The following ATRX variants were observed in gnomAD, a reference collection of about 807,000 sequenced individuals.
ATRX encodes ATRX chromatin remodeler.
In ATRX, 12 loss-of-function variants were observed where a neutral mutation model predicts 172.6. That is an observed-to-expected ratio of 0.07 (90% CI 0.04 to 0.11). The LOEUF is 0.11. Among genes scored for constraint, ATRX ranks in the 10% least tolerant of loss-of-function variants. The pLI is 1.00. For synonymous variants in ATRX, 674 were observed against 594.7 expected (o/e 1.13, Z -1.94); for missense variants, 1,368 against 1,767.4 (o/e 0.77, Z 4.05).
chrX:77,597,551 G>A (rs1250896069), intron 25 of ATRX, among the ~76,000 whole-genome samples: 1 of 110,307 alleles, frequency 9.1e-6, no homozygotes, highest in African/African-American at 3.3e-5. Flanking sequence ...CACAAACTAT[G>A]TATCCAACAA....
chrX:77,742,530 T>C (rs782675280), intron 1 of ATRX, among the ~76,000 whole-genome samples: 1 of 112,169 alleles, frequency 8.9e-6, no homozygotes, highest in East Asian at 2.8e-4. Context: ...GATGGATGAC[T>C]GCAAGAATTT....
chrX:77,660,523 C>T (rs1325783291), intron 12 of ATRX, among the ~76,000 whole-genome samples: 2 of 109,024 alleles, frequency 1.8e-5, no homozygotes, highest in Non-Finnish European at 3.8e-5. Context: ...GCCGAGATCG[C>T]GCCACTGCAC....
chrX:77,641,088 T>C (rs978758526), intron 15 of ATRX, among the ~76,000 whole-genome samples: 7 of 111,576 alleles, frequency 6.3e-5, no homozygotes, highest in Admixed American at 4.8e-4. Context: ...TTAAAGAGTA[T>C]TGAAGAAACG....
intron 1 of ATRX, among the ~76,000 whole-genome samples, chrX:77,720,329 CA>C (rs1557168132): frequency 9.0e-6 from 1 of 111,445 alleles, no homozygotes; most frequent in Admixed American, 9.5e-5. Context: ...TAACTAAGAT[CA>C]GAGAAGAACT....
chrX:77,650,258 G>T (rs1298004297), intron 15 of ATRX, among the ~76,000 whole-genome samples: 1 of 111,850 alleles, frequency 8.9e-6, no homozygotes, highest in Non-Finnish European at 1.9e-5. Context: ...CTCTTAATGA[G>T]ATCCAAAAGG....
intron 22 of ATRX, among the ~76,000 whole-genome samples, chrX:77,608,178 G>A (rs1417181802): frequency 1.8e-5 from 2 of 108,950 alleles, no homozygotes; most frequent in Non-Finnish European, 3.8e-5. Context: ...TCAGGAGATC[G>A]AGACCACAGT....
At chrX:77,589,684 T>C in intron 27 of ATRX, 150 bp downstream of exon 27, 1 of 445,958 alleles carries the variant, frequency 2.2e-6, no homozygotes, top group Non-Finnish European at 3.9e-6. Context: ...TACATATATA[T>C]GGATAAGGAC....
At chrX:77,671,167 A>AAAATATATATATATAT (rs1424480831) in intron 10 of ATRX, among the ~76,000 whole-genome samples, 1 of 15,733 alleles carries the variant, frequency 6.4e-5, no homozygotes, top group Non-Finnish European at 1.2e-4. Context: ...AAAAAAAAAA[A>AAAATATATATATATAT]ATATATATAT....
rs2147940425 is a variant in ATRX, at chrX:77,557,325, A to T, written c.6699+126T>A. 6 of 639,741 alleles carry T rather than the reference A, an allele frequency of 9.4e-6. No individual in the cohort carries two copies. In the South Asian group the frequency reaches 1.3e-4, roughly 14 times the overall value. 52.7% of individuals were successfully genotyped at this position (639,741 alleles called of 1,213,427 possible). A position where few individuals can be genotyped will look rare whatever the true frequency, so the allele number is the denominator to read the frequency against. On this transcript the variant is annotated intron_variant, in intron 30 of 34. Coordinates refer to ENST00000373344, the MANE Select transcript of ATRX (RefSeq NM_000489.6). ...TAATTTTCTAGACAAAATTCATTAA[A>T]TATCATTTTATTATCCTTGAAAAAT... is the stretch of plus-strand genomic sequence containing the variant.
intron 30 of ATRX, among the ~76,000 whole-genome samples, chrX:77,529,977 C>T (rs1420986679): frequency 8.9e-6 from 1 of 111,917 alleles, no homozygotes; most frequent in Non-Finnish European, 1.9e-5. Flanking sequence ...GAACTCTTCA[C>T]CCAAAAACAA....
At chrX:77,648,601 A>C (rs1374623165) in intron 15 of ATRX, among the ~76,000 whole-genome samples, 1 of 100,456 alleles carries the variant, frequency 1.0e-5, no homozygotes. Context: ...AATAGAAAAA[A>C]AATTAATGAA....
intron 19 of ATRX, among the ~76,000 whole-genome samples, chrX:77,626,714 A>C (rs989634030): frequency 5.3e-5 from 6 of 112,210 alleles, no homozygotes; most frequent in Admixed American, 4.7e-4. Context: ...TAAGCACAAA[A>C]AATTCCTATA....
At chrX:77,613,229 T>C (rs1229914141) in intron 22 of ATRX, among the ~76,000 whole-genome samples, 1 of 111,190 alleles carries the variant, frequency 9.0e-6, no homozygotes, top group African/African-American at 3.3e-5. Context: ...AGGGTTCCAC[T>C]TTCTCCACAT....
intron 1 of ATRX, among the ~76,000 whole-genome samples, chrX:77,775,727 ATTT>A (rs2076326359): frequency 9.4e-6 from 1 of 106,833 alleles, no homozygotes; most frequent in Non-Finnish European, 1.9e-5. Flanking sequence ...TTATTTATTT[ATTT>A]ATTTATTTAT....
intron 30 of ATRX, among the ~76,000 whole-genome samples, chrX:77,555,326 T>C (rs2064732227): frequency 9.0e-6 from 1 of 111,660 alleles, no homozygotes; most frequent in East Asian, 2.8e-4. Flanking sequence ...GAACCAGAAA[T>C]ACCATTTGAC....
intron 30 of ATRX, among the ~76,000 whole-genome samples, chrX:77,549,161 G>A (rs1218111729): frequency 1.8e-5 from 2 of 111,305 alleles, no homozygotes; most frequent in Admixed American, 9.6e-5. Flanking sequence ...GAGGTGGGTC[G>A]ATCACTTGAG....
intron 28 of ATRX, among the ~76,000 whole-genome samples, chrX:77,573,232 A>G (rs1177897149): frequency 9.0e-6 from 1 of 111,692 alleles, no homozygotes; most frequent in African/African-American, 3.2e-5. Context: ...ATACACAAAT[A>G]CCATTGTGTT....
At position 77,508,015 on chromosome X, in the gene ATRX, A is replaced by G. The variant is rs781964693; in HGVS notation, c.*336T>C. On this transcript the variant is annotated 3_prime_UTR_variant, in exon 35 of 35. Coordinates refer to ENST00000373344, the MANE Select transcript of ATRX (RefSeq NM_000489.6). ...ATTCTTTCCTAAATTTATTAATTTT[A>G]TGACAATTTTATGGTTGCTAAAAGC... 1 of 205,160 alleles carries G rather than the reference A, an allele frequency of 4.9e-6. No homozygotes were observed. The highest frequency in any genetic ancestry group is 2.9e-5 in the African/African-American group (1 of 34,660). 16.9% of individuals were successfully genotyped at this position (205,160 alleles called of 1,213,427 possible).
chrX:77,687,152 C>CAAA (rs146268162), intron 7 of ATRX, among the ~76,000 whole-genome samples: 6 of 39,370 alleles, frequency 1.5e-4, no homozygotes, highest in Admixed American at 4.1e-4. Context: ...GACTCCGTCT[C>CAAA]AAAAAAAAAA....
Sources: allele counts gnomAD v4.1 joint callset (sites outside exome capture counted in the v4.1 genomes callset), GRCh38; gene constraint gnomAD v4.1.1; transcripts MANE v1.5; gene names NCBI Gene and HGNC (gene_info 2026-07-23, HGNC 2026-07-21).